MRC2: variants seen among roughly 807,000 people sequenced by gnomAD.
The protein encoded by MRC2 is C-type mannose receptor 2.
A neutral mutation model predicts 206.2 loss-of-function variants in MRC2; 84 were observed. That is an observed-to-expected ratio of 0.41 (90% CI 0.34 to 0.49). MRC2 has a LOEUF of 0.49. Among genes scored for constraint, MRC2 ranks in the 20% least tolerant of loss-of-function variants. The pLI, the probability that MRC2 is intolerant of heterozygous loss-of-function variation, is 0.31. For missense variants in MRC2, 1,676 were observed against 2,001.5 expected (o/e 0.84, Z 3.10); for synonymous variants, 798 against 800.0 (o/e 1.00, Z 0.04).
Position 62,680,782 on chromosome 17 carries a change from C to A in MRC2, c.2474-18C>A. The A allele has an allele frequency of 1.3e-6, 2 of 1,590,660 alleles. No homozygotes were observed. Among genetic ancestry groups the A allele is most frequent in the South Asian group, 1.1e-5 (1 of 87,218 alleles). On this transcript the variant is annotated intron_variant, in intron 16 of 29. Coordinates refer to ENST00000303375, the MANE Select transcript of MRC2 (RefSeq NM_006039.5). This position sits in a 1 kb window ranked among gnomAD's most constrained non-coding sequence, Gnocchi z 4.8. ...CCTCTGCCTGGCCGCCGCTCCCACG[C>A]CCGCGCTGCTCCTGCAGGCCGACGG...
chr17:62,635,219 T>C (rs1164202292), intron 1 of MRC2, among the ~76,000 whole-genome samples: 1 of 118,586 alleles, frequency 8.4e-6, no homozygotes. Flanking sequence ...TTTTCAGAAA[T>C]AGCCTCAATC....
At chr17:62,649,809 A>ACC (rs564222504) in intron 1 of MRC2, among the ~76,000 whole-genome samples, 2 of 141,722 alleles carry the variant, frequency 1.4e-5, no homozygotes, top group African/African-American at 5.3e-5. Context: ...AGGGCAGCAG[A>ACC]CCCCCCCCGC....
rs1215466129 is a variant in MRC2, at chr17:62,666,373, GT to G, written c.695-81del. 6 of 1,601,154 alleles carry G rather than the reference GT, an allele frequency of 3.7e-6. No individual in the cohort carries two copies. The highest frequency in any genetic ancestry group is 5.1e-6 in the Non-Finnish European group (6 of 1,175,086). On this transcript the variant is annotated intron_variant, in intron 3 of 29. Transcript: ENST00000303375. This position sits in a 1 kb window ranked among gnomAD's most constrained non-coding sequence, Gnocchi z 5.0. Reference sequence around the variant, plus strand: ...GAGATACTGCCCCCTCCCCTACCTAGTGTAGCCTTTTGGTGGGGGAGGGTCT... The same window carrying G: ...GAGATACTGCCCCCTCCCCTACCTAGGTAGCCTTTTGGTGGGGGAGGGTCT...
chr17:62,635,895 C>G (rs1185388098), intron 1 of MRC2, among the ~76,000 whole-genome samples: 1 of 151,814 alleles, frequency 6.6e-6, no homozygotes, highest in Non-Finnish European at 1.5e-5. Flanking sequence ...TCACGCAATT[C>G]TCCTGCCTCA....
chr17:62,668,503 C>T (rs934891299), intron 6 of MRC2, among the ~76,000 whole-genome samples: 1 of 152,134 alleles, frequency 6.6e-6, no homozygotes, highest in Non-Finnish European at 1.5e-5. Flanking sequence ...AGCAGCACAG[C>T]ATCCCCGGAG....
At chr17:62,642,394 C>G (rs1001368204) in intron 1 of MRC2, among the ~76,000 whole-genome samples, 2 of 152,178 alleles carry the variant, frequency 1.3e-5, no homozygotes, top group African/African-American at 4.8e-5. Flanking sequence ...TTCCCTTACG[C>G]TAACTTTGAC....
chr17:62,683,490 AAAAAC>A lies in MRC2; in HGVS notation c.2946+1116_2946+1120del, dbSNP rs1425940800. On this transcript the variant is annotated intron_variant, in intron 20 of 29. Transcript: ENST00000303375. ...TCTCAAAAAAATAAACAAAGAAAAAAAAAACAACAAAAAAAACACCTTTTTTTTTT... is the reference window on the plus strand; with the variant it reads ...TCTCAAAAAAATAAACAAAGAAAAAAAACAAAAAAAACACCTTTTTTTTTT... 3.2e-3 allele frequency among the ~76,000 whole-genome samples: 489 copies of A among 150,892 alleles called. 3 individuals carry two copies. The highest frequency in any genetic ancestry group is 0.011 in the African/African-American group (468 of 41,156).
Position 62,690,934 on chromosome 17 carries a change from C to T in MRC2, c.4013-15C>T, listed in dbSNP as rs1250887761. On this transcript the variant is annotated splice_polypyrimidine_tract_variant and intron_variant, in intron 27 of 29. Transcript: ENST00000303375. ...CCACCTTGTCCCTGCTCCCTCAGTG[C>T]CTTCTTTCCTGCAGGAGGCACTCTG... 1 of 1,580,954 alleles carries T rather than the reference C, an allele frequency of 6.3e-7. No individual in the cohort carries two copies. The highest frequency in any genetic ancestry group is 2.3e-5 in the East Asian group (1 of 43,870).
In MRC2 at chr17:62,689,631, T is replaced by C; in HGVS notation, c.3444T>C (p.Asp1148=). The C allele has an allele frequency of 6.2e-7, 1 of 1,601,982 alleles. No individual in the cohort carries two copies. Among genetic ancestry groups the C allele is most frequent in the Non-Finnish European group, 8.5e-7 (1 of 1,174,662 alleles). Residue 1148 remains aspartate (D), a synonymous_variant, in exon 24 of 30, where the codon GAT becomes GAC. Coordinates refer to ENST00000303375, the MANE Select transcript of MRC2 (RefSeq NM_006039.5). ...RLLQKPLRWH[D]ALLLCESRNA... ...TTCAGAAGCCGCTGCGCTGGCACGATGCCCTCCTGCTGTGTGAGAGCCGCA... is the reference window on the plus strand; with the variant it reads ...TTCAGAAGCCGCTGCGCTGGCACGACGCCCTCCTGCTGTGTGAGAGCCGCA...
rs752287130 is a variant in MRC2, at chr17:62,674,167, G to C, written c.1566G>C (p.Arg522=). The change falls in exon 9 of 30, where the codon CGG becomes CGC. Residue 522 remains arginine, a synonymous_variant. Transcript: ENST00000303375. Reference sequence around the variant, plus strand: ...CCGCCGAGGAGGACCATGGCTGCCGGAAGGTGAGGGTGTTTCTGGAGCTGC... The same window carrying C: ...CCGCCGAGGAGGACCATGGCTGCCGCAAGGTGAGGGTGTTTCTGGAGCTGC... ...QGAAEEDHGC[R]KGWTWHSPSC... 1 of 1,547,470 alleles carries C rather than the reference G, an allele frequency of 6.5e-7. No individual in the cohort carries two copies. Among genetic ancestry groups the C allele is most frequent in the Non-Finnish European group, 8.7e-7 (1 of 1,145,230 alleles).
Position 62,672,240 on chromosome 17 carries a change from A to G in MRC2, c.1461+88A>G, listed in dbSNP as rs1209554099. ...CCAGCTGAAGGACATCCTAGTTACT[A>G]TCAGAACCTGCCTGGAACCTCTTAC... On this transcript the variant is annotated intron_variant, in intron 8 of 29. Transcript: ENST00000303375. This position sits in a 1 kb window ranked among gnomAD's most constrained non-coding sequence, Gnocchi z 4.5. 2.0e-6 allele frequency: 3 copies of G among 1,515,324 alleles called. No homozygotes were observed. In the South Asian group the frequency reaches 3.4e-5, roughly 17 times the overall value. The allele number at this position is 1,515,324 out of a possible 1,614,324, so 93.9% of individuals were successfully genotyped here. A position where few individuals can be genotyped will look rare whatever the true frequency, so the allele number is the denominator to read the frequency against.
chr17:62,681,161 G>T lies in MRC2; in HGVS notation c.2702+32G>T, dbSNP rs759978173. 14 of 1,608,648 alleles carry T rather than the reference G, an allele frequency of 8.7e-6. No homozygotes were observed. In the East Asian group the frequency reaches 3.1e-4, roughly 36 times the overall value. ...ACCCAGGCAGGCAGCAGATGTGGAA[G>T]GGGGCTGGCTGTCCACACACGGAGC... On this transcript the variant is annotated intron_variant, in intron 18 of 29. Transcript: ENST00000303375.
At position 62,667,148 on chromosome 17, in the gene MRC2, G is replaced by A. The variant is rs925906303; in HGVS notation, c.974-242G>A. On this transcript the variant is annotated intron_variant, in intron 5 of 29. Coordinates refer to ENST00000303375, the MANE Select transcript of MRC2 (RefSeq NM_006039.5). This position sits in a 1 kb window ranked among gnomAD's most constrained non-coding sequence, Gnocchi z 4.1. ...CACCAGCGCACCCAGCAGCCTGGAC[G>A]GGGAGGCCGGGGCGGGGCTGGTACT... Among the ~76,000 whole-genome samples the A allele has an allele frequency of 5.3e-5, 8 of 152,164 alleles. No homozygotes were observed. Among genetic ancestry groups the A allele is most frequent in the Non-Finnish European group, 7.4e-5 (5 of 68,022 alleles).
intron 1 of MRC2, among the ~76,000 whole-genome samples, chr17:62,631,835 T>G (rs1208958240): frequency 6.6e-6 from 1 of 152,100 alleles, no homozygotes; most frequent in African/African-American, 2.4e-5. Context: ...AGGATTCACA[T>G]GGTTGTTCAT....
At chr17:62,631,955 G>A (rs1244416299) in intron 1 of MRC2, among the ~76,000 whole-genome samples, 1 of 152,120 alleles carries the variant, frequency 6.6e-6, no homozygotes, top group South Asian at 2.1e-4. Context: ...CTCCAGTGGG[G>A]GTCCCTGGAC....
intron 1 of MRC2, among the ~76,000 whole-genome samples, chr17:62,645,595 A>G (rs1289228141): frequency 7.9e-6 from 1 of 126,838 alleles, no homozygotes; most frequent in Non-Finnish European, 1.6e-5. Context: ...GTACAGTGGC[A>G]TGATCTTGGC....
At chr17:62,678,689 C>T in intron 13 of MRC2, 43 bp downstream of exon 13, 5 of 1,584,300 alleles carry the variant, frequency 3.2e-6, no homozygotes, top group Non-Finnish European at 4.3e-6. Flanking sequence ...CACCCGCACA[C>T]GTGTAGGAGC....
rs2088840329 is a variant in MRC2 at position 62,672,623 on chromosome 17, TGGTTTGG to T, written c.1461+473_1461+479del. 6.6e-6 allele frequency among the ~76,000 whole-genome samples: 1 copy of T among 152,068 alleles called. No homozygotes were observed. Among genetic ancestry groups the T allele is most frequent in the African/African-American group, 2.4e-5 (1 of 41,402 alleles). ...TGTTGGGTTTTATGACAATTTGCCA[TGGTTTGG>T]GCTTAGATGTGGTGTAAGTGAAGGA... On this transcript the variant is annotated intron_variant, in intron 8 of 29. Transcript: ENST00000303375. The surrounding 1 kb of genome is among the most constrained non-coding windows in gnomAD (Gnocchi z 4.5).
intron 6 of MRC2, among the ~76,000 whole-genome samples, chr17:62,670,189 T>G (rs1420526901): frequency 1.3e-5 from 2 of 152,220 alleles, no homozygotes; most frequent in Non-Finnish European, 1.5e-5. Context: ...GGTTCTGCTT[T>G]CCCGGTCTCA....
Sources: allele counts gnomAD v4.1 joint callset (sites outside exome capture counted in the v4.1 genomes callset), GRCh38; gene constraint gnomAD v4.1.1; non-coding constraint Gnocchi (gnomAD v3.1); transcripts MANE v1.5; gene names NCBI Gene and HGNC (gene_info 2026-07-23, HGNC 2026-07-21).